The following TAS2R1 variants were observed in gnomAD, a reference collection of about 807,000 sequenced individuals.
The protein encoded by TAS2R1 is taste receptor type 2 member 1.
For synonymous variants in TAS2R1, 141 were observed against 134.2 expected (o/e 1.05, Z -0.35); for missense variants, 370 against 353.4 (o/e 1.05, Z -0.38).
At chr5:9,702,743 C>G (rs1354247925) in intron 1 of TAS2R1, among the ~76,000 whole-genome samples, 1 of 151,790 alleles carries the variant, frequency 6.6e-6, no homozygotes, top group East Asian at 1.9e-4. Context: ...GACATAAGGG[C>G]AGAAGGATAG....
At chr5:9,855,528 A>G in the TAS2R1 span, among the ~76,000 whole-genome samples, 1 of 152,360 alleles carries the variant, frequency 6.6e-6, no homozygotes, top group South Asian at 2.1e-4. Flanking sequence ...TGCTCTCAGC[A>G]GCATATATAA....
At chr5:9,636,985 GT>G (rs60925667) in intron 2 of TAS2R1, among the ~76,000 whole-genome samples, 136,136 of 149,280 alleles carry the variant, frequency 0.91, 62,587 homozygotes, top group Non-Finnish European at 0.96. Flanking sequence ...TTAATACCTT[GT>G]TTTTTTTTTT....
At chr5:9,650,579 G>A (rs1277523188) in intron 2 of TAS2R1, among the ~76,000 whole-genome samples, 1 of 152,142 alleles carries the variant, frequency 6.6e-6, no homozygotes, top group Non-Finnish European at 1.5e-5. Flanking sequence ...CACATATGCT[G>A]TCCGTGAAGT....
chr5:9,741,314 A>C, the TAS2R1 span, among the ~76,000 whole-genome samples: 1 of 151,902 alleles, frequency 6.6e-6, no homozygotes, highest in Non-Finnish European at 1.5e-5. Flanking sequence ...AAATTAAGAG[A>C]TTTTCTCAAG....
At chr5:9,868,740 C>A in the TAS2R1 span, among the ~76,000 whole-genome samples, 1 of 152,178 alleles carries the variant, frequency 6.6e-6, no homozygotes, top group African/African-American at 2.4e-5. Context: ...CATTAGGCTG[C>A]AAAATTTCCA....
chr5:9,639,560 G>C (rs1271600668), intron 2 of TAS2R1, among the ~76,000 whole-genome samples: 1 of 152,162 alleles, frequency 6.6e-6, no homozygotes, highest in Non-Finnish European at 1.5e-5. Context: ...AGTGGTTCTT[G>C]GAGCAAAAGA....
Position 9,630,105 on chromosome 5 carries a change from C to T in TAS2R1, c.-73G>A, listed in dbSNP as rs990854161. 55 of 1,284,536 alleles carry T rather than the reference C, an allele frequency of 4.3e-5. No homozygotes were observed. The highest frequency in any genetic ancestry group is 5.7e-5 in the Non-Finnish European group (54 of 951,056). The allele number at this position is 1,284,536 out of a possible 1,614,324, so 79.6% of individuals were successfully genotyped here. A position where few individuals can be genotyped will look rare whatever the true frequency, so the allele number is the denominator to read the frequency against. ...TTTTGGACAGGTTGGGTTGTTCACG[C>T]TCTTCAATTAGATCAGGACTCCTCT... On this transcript the variant is annotated 5_prime_UTR_variant, in exon 1 of 1. Coordinates refer to ENST00000382492, the MANE Select transcript of TAS2R1 (RefSeq NM_019599.3).
At chr5:9,788,816 T>C in the TAS2R1 span, among the ~76,000 whole-genome samples, 1 of 152,222 alleles carries the variant, frequency 6.6e-6, no homozygotes, top group African/African-American at 2.4e-5. Flanking sequence ...AAAATGTTTT[T>C]ATTCTAAAAC....
At chr5:9,797,562 G>A in the TAS2R1 span, among the ~76,000 whole-genome samples, 1 of 152,152 alleles carries the variant, frequency 6.6e-6, no homozygotes, top group Non-Finnish European at 1.5e-5. Context: ...CCCAGCCGAG[G>A]AATCAGGAAC....
At chr5:9,696,614 T>TA (rs1324652937) in intron 1 of TAS2R1, among the ~76,000 whole-genome samples, 2 of 151,770 alleles carry the variant, frequency 1.3e-5, no homozygotes, top group African/African-American at 2.4e-5. Context: ...AAATAGAATA[T>TA]AAAAAATTAA....
chr5:9,717,849 GCTAGGT>G, the TAS2R1 span, among the ~76,000 whole-genome samples: 6 of 152,178 alleles, frequency 3.9e-5, no homozygotes, highest in African/African-American at 1.4e-4. Context: ...ATAGTAAAAG[GCTAGGT>G]CTGACTTAAA....
At chr5:9,844,400 T>A in the TAS2R1 span, among the ~76,000 whole-genome samples, 1 of 152,230 alleles carries the variant, frequency 6.6e-6, no homozygotes, top group African/African-American at 2.4e-5. Context: ...TTCTTTATAT[T>A]TGCCCTATTC....
At chr5:9,832,984 C>T in the TAS2R1 span, among the ~76,000 whole-genome samples, 2 of 152,154 alleles carry the variant, frequency 1.3e-5, no homozygotes, top group Non-Finnish European at 2.9e-5. Context: ...AGATGTACAT[C>T]GTTTTAATCA....
chr5:9,831,841 G>A, the TAS2R1 span, among the ~76,000 whole-genome samples: 1 of 152,002 alleles, frequency 6.6e-6, no homozygotes, highest in African/African-American at 2.4e-5. Flanking sequence ...AGGTCGTTAG[G>A]TCTTTCTTTA....
rs1739776703 is a variant in TAS2R1, at chr5:9,627,421, T to A, written c.*1712A>T. 2.0e-5 allele frequency among the ~76,000 whole-genome samples: 3 copies of A among 151,618 alleles called. No homozygotes were observed. The highest frequency in any genetic ancestry group is 1.3e-4 in the Admixed American group (2 of 15,236). ...ATAACAGTATAAAAACCTAGTCATA[T>A]CTTAATAGTTATCTAATTAGCTAAC... On this transcript the variant is annotated 3_prime_UTR_variant, in exon 1 of 1. Transcript: ENST00000382492.
intron 1 of TAS2R1, among the ~76,000 whole-genome samples, chr5:9,710,463 T>C (rs1404615441): frequency 6.6e-6 from 1 of 152,222 alleles, no homozygotes; most frequent in Non-Finnish European, 1.5e-5. Flanking sequence ...TGAGACATAG[T>C]TTTGTGAACC....
chr5:9,843,249 G>A, the TAS2R1 span, among the ~76,000 whole-genome samples: 2 of 152,108 alleles, frequency 1.3e-5, no homozygotes, highest in African/African-American at 2.4e-5. Flanking sequence ...TCTTTAATCT[G>A]ACTTTTAAAT....
chr5:9,635,270 C>T (rs938644932), upstream of TAS2R1, among the ~76,000 whole-genome samples: 10 of 152,128 alleles, frequency 6.6e-5, no homozygotes, highest in African/African-American at 2.4e-4. Context: ...ATATGTTAAA[C>T]CATTCATGCA....
At chr5:9,633,288 T>TA (rs1739902577), upstream of TAS2R1, among the ~76,000 whole-genome samples, 7 of 62,222 alleles carry the variant, frequency 1.1e-4, no homozygotes, top group East Asian at 1.3e-3. Context: ...TGTGTGTGTG[T>TA]GTATATTATA....
Sources: gnomAD v4.1 joint callset for allele counts (sites outside exome capture counted in the v4.1 genomes callset) on GRCh38, gnomAD v4.1.1 for gene constraint, MANE v1.5 for transcripts, NCBI Gene and HGNC (gene_info 2026-07-23, HGNC 2026-07-21) for gene names.